Variants in SPICE1 observed in about 807,000 individuals in gnomAD.
SPICE1 encodes the protein spindle and centriole associated protein 1.
SPICE1 carries 75 observed loss-of-function variants against 102.7 expected under a neutral mutation model. The ratio of observed to expected loss-of-function variants is 0.73; its 90% CI spans 0.61 to 0.88. The LOEUF (loss-of-function observed/expected upper bound fraction) is 0.88. Ranked by LOEUF, SPICE1 falls within the 40% of genes least tolerant of loss-of-function variation. SPICE1 has a pLI of 0.00. For synonymous variants in SPICE1, 308 were observed against 350.3 expected, an observed-to-expected ratio of 0.88 and a Z score of 1.35; for missense variants, 979 against 1,020.1, an observed-to-expected ratio of 0.96 and a Z score of 0.55.
chr3:113,464,190 AG>A, intron 11 of SPICE1, among the ~76,000 whole-genome samples: 1 of 152,140 alleles, frequency 6.6e-6, no homozygotes, highest in South Asian at 2.1e-4. Flanking sequence ...ACATTTTAAA[AG>A]GGTGGAGGAC....
intron 7 of SPICE1, among the ~76,000 whole-genome samples, chr3:113,472,150 G>C (rs947026497): frequency 5.9e-5 from 9 of 152,244 alleles, no homozygotes; most frequent in Non-Finnish European, 1.2e-4. Flanking sequence ...CTGGCTCGGA[G>C]GGTCTTACGC....
chr3:113,497,791 A>T (rs1936928011), intron 4 of SPICE1, among the ~76,000 whole-genome samples: 1 of 145,366 alleles, frequency 6.9e-6, no homozygotes, highest in South Asian at 2.2e-4. Flanking sequence ...AGCTCACTGC[A>T]ACCCGGATTC....
rs775305928 is a variant in SPICE1, at chr3:113,494,105, T to G, written c.329A>C (p.Glu110Ala). ...SDQYQMQDVL[E>A]KSDHLIAAAK... ...TGCAGCTATTAGATGATCAGATTTC[T>G]CCAACACATCTTGCATCTGGTATTG... is the stretch of plus-strand genomic sequence containing the variant. The change falls in exon 5 of 18, where the codon GAG (glutamate) becomes GCG (alanine). Residue 110 changes from glutamate to alanine, a missense_variant. Glu to Ala is a moderately radical substitution (Grantham distance 107, BLOSUM62 -1). Coordinates refer to ENST00000295872, the MANE Select transcript of SPICE1 (RefSeq NM_144718.4). 2 of 1,612,762 alleles carry G rather than the reference T, an allele frequency of 1.2e-6. No homozygotes were observed. The highest frequency in any genetic ancestry group is 4.5e-5 in the East Asian group (2 of 44,848).
chr3:113,497,609 C>A (rs1936919504), intron 4 of SPICE1, among the ~76,000 whole-genome samples: 1 of 151,156 alleles, frequency 6.6e-6, no homozygotes, highest in South Asian at 2.1e-4. Context: ...CATGGGGCCA[C>A]ATCCTAGGTC....
intron 3 of SPICE1, among the ~76,000 whole-genome samples, chr3:113,501,350 G>A (rs1937004136): frequency 6.6e-6 from 1 of 152,016 alleles, no homozygotes; most frequent in African/African-American, 2.4e-5. Flanking sequence ...TGAACCTTGG[G>A]TTAGGTAACA....
At chr3:113,446,002 T>C (rs1935504045) in intron 17 of SPICE1, among the ~76,000 whole-genome samples, 1 of 152,262 alleles carries the variant, frequency 6.6e-6, no homozygotes, top group Admixed American at 6.5e-5. Context: ...TATATTTTAC[T>C]GTACTAGCAC....
chr3:113,461,940 C>A (rs921010092), intron 11 of SPICE1, among the ~76,000 whole-genome samples: 6 of 152,148 alleles, frequency 3.9e-5, no homozygotes, highest in Admixed American at 6.5e-5. Context: ...CCATCTAGAA[C>A]TGAAATAGAC....
rs188405682 is a variant in SPICE1, at chr3:113,511,265, T to C, written c.-1+3632A>G. Among the ~76,000 whole-genome samples, 119 of 152,256 alleles carry C rather than the reference T, an allele frequency of 7.8e-4. 1 individual carries two copies. Among genetic ancestry groups the C allele is most frequent in the Non-Finnish European group, 2.2e-4 (15 of 68,020 alleles). ...CCCAGCAATCACATTTCTGCATATATACCCAAAGGAAAATAAATCATTCAA... is the reference window on the plus strand; with the variant it reads ...CCCAGCAATCACATTTCTGCATATACACCCAAAGGAAAATAAATCATTCAA... On this transcript the variant is annotated intron_variant, in intron 1 of 17. Transcript: ENST00000295872.
At chr3:113,493,158 A>C in intron 6 of SPICE1, 48 bp downstream of exon 6, 1 of 1,363,906 alleles carries the variant, frequency 7.3e-7, no homozygotes, top group Non-Finnish European at 1.0e-6. Context: ...ATATCAACTT[A>C]AACTTCCTTT....
chr3:113,507,030 C>CT (rs1360661675), intron 1 of SPICE1, among the ~76,000 whole-genome samples: 1 of 152,088 alleles, frequency 6.6e-6, no homozygotes, highest in Non-Finnish European at 1.5e-5. Context: ...TTTAAGCACT[C>CT]TAACACTCAA....
rs769185172 is a variant in SPICE1 at position 113,469,193 on chromosome 3, CT to C, written c.656del (p.Lys219SerfsTer10). The C allele has an allele frequency of 6.2e-6, 10 of 1,603,408 alleles. No individual in the cohort carries two copies. Among genetic ancestry groups the C allele is most frequent in the Non-Finnish European group, 8.5e-6 (10 of 1,174,386 alleles). The stretch of plus-strand genomic sequence containing the variant: ...TTTTCTGCTGAATGTCAGTCCACAA[CT>C]TACTAATTAACTCAAAATTCTCTTC... ...LTEENFELISKLWTDIQQKIA... is the reference protein window; with the variant it reads ...LTEENFELISXLWTDIQQKIA... On this transcript the variant is annotated frameshift_variant, in exon 8 of 18. Coordinates refer to ENST00000295872, the MANE Select transcript of SPICE1 (RefSeq NM_144718.4). LOFTEE classifies it high-confidence loss of function.
At chr3:113,501,546 T>A (rs977249357) in intron 3 of SPICE1, among the ~76,000 whole-genome samples, 1 of 152,184 alleles carries the variant, frequency 6.6e-6, no homozygotes, top group African/African-American at 2.4e-5. Flanking sequence ...AATACATACA[T>A]AATTTTTATA....
chr3:113,465,041 G>GGCTGCAATGAACTCATGCC (rs1936019920), intron 11 of SPICE1, among the ~76,000 whole-genome samples: 1 of 151,030 alleles, frequency 6.6e-6, no homozygotes, highest in Non-Finnish European at 1.5e-5. Context: ...AGGAGGTCCA[G>GGCTGCAATGAACTCATGCC]GCTGCAATGA....
Position 113,485,867 on chromosome 3 carries a change from C to T in SPICE1, c.611+3078G>A, listed in dbSNP as rs181059548. Among the ~76,000 whole-genome samples the T allele has an allele frequency of 2.5e-3, 382 of 152,226 alleles. 2 individuals are homozygous for T. The highest frequency in any genetic ancestry group is 8.9e-3 in the South Asian group (43 of 4,824). ...GCAGGGACATGGATGGAGCTGGATGCCATTATCCTCAGCAAACCAACACAG... is the reference window on the plus strand; with the variant it reads ...GCAGGGACATGGATGGAGCTGGATGTCATTATCCTCAGCAAACCAACACAG... On this transcript the variant is annotated intron_variant, in intron 7 of 17. Coordinates refer to ENST00000295872, the MANE Select transcript of SPICE1 (RefSeq NM_144718.4).
rs928844523 is a variant in SPICE1 at position 113,443,656 on chromosome 3, G to A, written c.*1651C>T. 1 of 152,138 alleles carries A rather than the reference G, an allele frequency of 6.6e-6. No homozygotes were observed. Among genetic ancestry groups the A allele is most frequent in the African/African-American group, 2.4e-5 (1 of 41,416 alleles). 9.4% of individuals were successfully genotyped at this position (152,138 alleles called of 1,614,324 possible). ...CCATACTACACACACTGTAAAACAG[G>A]TTTACTCTCCAACAAGAGGCAGCAC... On this transcript the variant is annotated 3_prime_UTR_variant, in exon 18 of 18. Coordinates refer to ENST00000295872, the MANE Select transcript of SPICE1 (RefSeq NM_144718.4).
At chr3:113,468,113 A>C (rs1214493412) in intron 10 of SPICE1, 26 bp downstream of exon 10, 1 of 1,575,528 alleles carries the variant, frequency 6.3e-7, no homozygotes, top group Admixed American at 1.9e-5. Flanking sequence ...CCTGAAAAGA[A>C]GACTCTACTA....
At chr3:113,503,931 TAAAAA>T (rs34217669) in intron 2 of SPICE1, among the ~76,000 whole-genome samples, 2 of 95,500 alleles carry the variant, frequency 2.1e-5, no homozygotes, top group Admixed American at 1.2e-4. Context: ...AGTTTCTATC[TAAAAA>T]AAAAAAAAAA....
chr3:113,497,659 T>TTA (rs762556581), intron 4 of SPICE1, among the ~76,000 whole-genome samples: 19 of 149,036 alleles, frequency 1.3e-4, no homozygotes, highest in Admixed American at 2.7e-4. Flanking sequence ...CCAGATATAG[T>TTA]TATATATATA....
intron 3 of SPICE1, among the ~76,000 whole-genome samples, chr3:113,501,455 A>G (rs546835357): frequency 2.6e-5 from 4 of 152,182 alleles, no homozygotes; most frequent in Non-Finnish European, 2.9e-5. Flanking sequence ...CTTAAAGGAC[A>G]CCATCAAGAA....
Sources: gnomAD v4.1 joint callset for allele counts (sites outside exome capture counted in the v4.1 genomes callset) on GRCh38, gnomAD v4.1.1 for gene constraint, MANE v1.5 for transcripts, NCBI Gene and HGNC (gene_info 2026-07-23, HGNC 2026-07-21) for gene names.